The following RADIL variants were observed in gnomAD, a reference collection of about 807,000 sequenced individuals.
RADIL encodes the protein ras-associating and dilute domain-containing protein.
In RADIL, 99 loss-of-function variants were observed where a neutral mutation model predicts 97.6. The ratio of observed to expected loss-of-function variants is 1.01; its 90% CI spans 0.86 to 1.20. The LOEUF is 1.20. RADIL is among the 50% of genes most tolerant of loss of function. The pLI is 0.00. For synonymous variants in RADIL, 803 were observed against 691.8 expected (o/e 1.16, Z -2.52); for missense variants, 1,765 against 1,498.9 (o/e 1.18, Z -2.93).
chr7:4,849,317 G>A lies in RADIL; in HGVS notation c.536-12712C>T, dbSNP rs1161025597. ...GTGCACATATATATATAACTTTGGT[G>A]AAAATAAGTAAAAATATTTAAGTGT... On this transcript the variant is annotated intron_variant, in intron 2 of 14. Transcript: ENST00000399583. This position sits in a 1 kb window ranked among gnomAD's most constrained non-coding sequence, Gnocchi z 5.4. Among the ~76,000 whole-genome samples the A allele has an allele frequency of 6.6e-6, 1 of 152,136 alleles. No individual in the cohort carries two copies. The highest frequency in any genetic ancestry group is 2.4e-5 in the African/African-American group (1 of 41,414).
In RADIL at chr7:4,853,060, C is replaced by G. The variant is rs982539851; in HGVS notation, c.536-16455G>C. Among the ~76,000 whole-genome samples, 5 of 152,196 alleles carry G rather than the reference C, an allele frequency of 3.3e-5. 1 individual carries two copies. The highest frequency in any genetic ancestry group is 1.9e-4 in the East Asian group (1 of 5,190). On this transcript the variant is annotated intron_variant, in intron 2 of 14. Transcript: ENST00000399583. ...ATGAGATTTTAGACTTGAAGTGATA[C>G]TATAAGAGGATGAGACTGGGGGACC...
At chr7:4,862,789 C>T (rs1294790832) in intron 2 of RADIL, among the ~76,000 whole-genome samples, 2 of 151,618 alleles carry the variant, frequency 1.3e-5, no homozygotes, top group Non-Finnish European at 2.9e-5. Flanking sequence ...CCCAGCTACT[C>T]GGGAGGCTGA....
At chr7:4,877,503 C>T (rs1784399321) in intron 2 of RADIL, 102 bp downstream of exon 2, 11 of 1,330,958 alleles carry the variant, frequency 8.3e-6, no homozygotes, top group Middle Eastern at 2.7e-4. Context: ...AGAGCGAGCC[C>T]GCCCCACGCA....
Position 4,818,103 on chromosome 7 carries a change from T to A in RADIL, c.1616-752A>T, listed in dbSNP as rs146223355. Among the ~76,000 whole-genome samples the A allele has an allele frequency of 1.5e-3, 232 of 152,300 alleles. 1 individual carries two copies. Among genetic ancestry groups the A allele is most frequent in the Middle Eastern group, 3.4e-3 (1 of 294 alleles). Reference sequence around the variant, plus strand: ...TGTGGGCGGCCAACCACAGTGGTGTTCCCTGTCAGCCGCGTGGGCGGCCAC... The same window carrying A: ...TGTGGGCGGCCAACCACAGTGGTGTACCCTGTCAGCCGCGTGGGCGGCCAC... On this transcript the variant is annotated intron_variant, in intron 6 of 14. Coordinates refer to ENST00000399583, the MANE Select transcript of RADIL (RefSeq NM_018059.5). The surrounding 1 kb of genome is among the most constrained non-coding windows in gnomAD (Gnocchi z 7.1).
Position 4,817,385 on chromosome 7 carries a change from G to A in RADIL, c.1616-34C>T, listed in dbSNP as rs567194639. The stretch of plus-strand genomic sequence containing the variant: ...AGACAGCCACGCCAATGGTCACAAC[G>A]GGCACAGCGCTCAGGAACGCAGCAA... On this transcript the variant is annotated intron_variant, in intron 6 of 14. Transcript: ENST00000399583. The surrounding 1 kb of genome is among the most constrained non-coding windows in gnomAD (Gnocchi z 8.3). 48 of 1,584,478 alleles carry A rather than the reference G, an allele frequency of 3.0e-5. No individual in the cohort carries two copies. Among genetic ancestry groups the A allele is most frequent in the South Asian group, 1.9e-4 (17 of 89,070 alleles).
intron 4 of RADIL, 67 bp from the exon 5 acceptor site, chr7:4,832,245 A>G: frequency 2.0e-6 from 3 of 1,470,454 alleles, no homozygotes; most frequent in African/African-American, 3.4e-5. Flanking sequence ...GCGTTCAAAT[A>G]CACGATACCA....
rs562747441 is a variant in RADIL, at chr7:4,801,675, G to C, written c.2820C>G (p.Gly940=). The change falls in exon 12 of 15, where the codon GGC becomes GGG. Residue 940 remains glycine (G), a synonymous_variant. Coordinates refer to ENST00000399583, the MANE Select transcript of RADIL (RefSeq NM_018059.5). The stretch of plus-strand genomic sequence containing the variant: ...CACCTTCCGGAGCTGCACCCCGGAG[G>C]CCGCTGAGTCCGTTCCTCTGCCTCT... ...LPERQRNGLS[G]LRGAAPEGDS... 3.1e-6 allele frequency: 5 copies of C among 1,603,496 alleles called. No homozygotes were observed. The South Asian group carries it at 5.6e-5, about 18-fold the overall frequency.
At position 4,801,777 on chromosome 7, in the gene RADIL, G is replaced by A. The variant is rs751063300; in HGVS notation, c.2718C>T (p.Pro906=). The A allele has an allele frequency of 1.2e-6, 2 of 1,610,368 alleles. No homozygotes were observed. The highest frequency in any genetic ancestry group is 1.1e-5 in the South Asian group (1 of 90,722). The part of the protein sequence containing the change: ...HTDSSCLLTP[P]STPLGPEPGD... ...CAGGCTCAGGGCCAAGTGGAGTGCTGGGAGGCGTGAGCAAGCAGGACGAGT... is the reference window on the plus strand; with the variant it reads ...CAGGCTCAGGGCCAAGTGGAGTGCTAGGAGGCGTGAGCAAGCAGGACGAGT... Residue 906 remains proline, a synonymous_variant, in exon 12 of 15, where the codon CCC becomes CCT. Coordinates refer to ENST00000399583, the MANE Select transcript of RADIL (RefSeq NM_018059.5).
In RADIL at chr7:4,836,487, G is replaced by A. The variant is rs1310447306; in HGVS notation, c.654C>T (p.Thr218=). The change falls in exon 3 of 15, where the codon ACC becomes ACT. Residue 218 remains threonine, a synonymous_variant. Coordinates refer to ENST00000399583, the MANE Select transcript of RADIL (RefSeq NM_018059.5). ...GCAGGGCGTTCACTGGGCTCAGGCTGGTCTCACTGACTGTGCGGCGCAACC... is the reference window on the plus strand; with the variant it reads ...GCAGGGCGTTCACTGGGCTCAGGCTAGTCTCACTGACTGTGCGGCGCAACC... ...PPRLRRTVSE[T]SLSPVNALPA... 1 of 1,607,644 alleles carries A rather than the reference G, an allele frequency of 6.2e-7. No homozygotes were observed. The highest frequency in any genetic ancestry group is 8.5e-7 in the Non-Finnish European group (1 of 1,178,126).
At chr7:4,807,866 TCTCCC>T (rs761163694) in intron 9 of RADIL, among the ~76,000 whole-genome samples, 162 of 11,822 alleles carry the variant, frequency 0.014, 3 homozygotes, top group Middle Eastern at 0.045. Flanking sequence ...CCTGCCTCTC[TCTCCC>T]CCCCATCTCT....
rs185325493 is a variant in RADIL at position 4,840,469 on chromosome 7, G to A, written c.536-3864C>T. On this transcript the variant is annotated intron_variant, in intron 2 of 14. Transcript: ENST00000399583. This position sits in a 1 kb window ranked among gnomAD's most constrained non-coding sequence, Gnocchi z 5.6. ...ATGGCGCCATCGCTAGACACACAGCGTGGAGTTGTCAAGGCCCTCAGACCC... is the reference window on the plus strand; with the variant it reads ...ATGGCGCCATCGCTAGACACACAGCATGGAGTTGTCAAGGCCCTCAGACCC... 5.9e-5 allele frequency among the ~76,000 whole-genome samples: 9 copies of A among 152,250 alleles called. No individual in the cohort carries two copies. The highest frequency in any genetic ancestry group is 2.6e-4 in the Admixed American group (4 of 15,284).
At chr7:4,861,883 C>T in intron 2 of RADIL, 2 of 1,126,118 alleles carry the variant, frequency 1.8e-6, no homozygotes, top group African/African-American at 1.6e-5. Flanking sequence ...GGGTCATGAT[C>T]CGCTGAGGCG....
At position 4,879,647 on chromosome 7, in the gene RADIL, C is replaced by T. The variant is rs907835038; in HGVS notation, c.-64-1444G>A. On this transcript the variant is annotated intron_variant, in intron 1 of 14. Transcript: ENST00000399583. The surrounding 1 kb of genome is among the most constrained non-coding windows in gnomAD (Gnocchi z 4.1). Reference sequence around the variant, plus strand: ...CTGTCCAGGCTTGACTCACTCGTCACGCTGCGGGCGCTGCAAAAGGCTTCT... The same window carrying T: ...CTGTCCAGGCTTGACTCACTCGTCATGCTGCGGGCGCTGCAAAAGGCTTCT... Among the ~76,000 whole-genome samples the T allele has an allele frequency of 3.9e-5, 6 of 152,166 alleles. No individual in the cohort carries two copies. The highest frequency in any genetic ancestry group is 9.7e-5 in the African/African-American group (4 of 41,438).
Position 4,801,659 on chromosome 7 carries a change from G to A in RADIL, c.2836C>T (p.Pro946Ser). ...AGCACCAGGCAGGGCTCACCTTCCG[G>A]AGCTGCACCCCGGAGGCCGCTGAGT... ...NGLSGLRGAA[P>S]EGDSAALAEE... The change falls in exon 12 of 15, where the codon CCG (proline) becomes TCG (serine). Residue 946 changes from proline (P) to serine (S), a missense_variant. By Grantham distance (74) the Pro-to-Ser change is moderately conservative. Coordinates refer to ENST00000399583, the MANE Select transcript of RADIL (RefSeq NM_018059.5). The A allele has an allele frequency of 2.5e-6, 4 of 1,596,730 alleles. No homozygotes were observed. Among genetic ancestry groups the A allele is most frequent in the Non-Finnish European group, 3.4e-6 (4 of 1,172,998 alleles).
chr7:4,860,051 C>T, intron 2 of RADIL: 1 of 1,613,964 alleles, frequency 6.2e-7, no homozygotes, highest in Non-Finnish European at 8.5e-7. Context: ...TAATGCAACC[C>T]CTGAACTTTC....
chr7:4,836,522 G>C lies in RADIL; in HGVS notation c.619C>G (p.Pro207Ala), dbSNP rs758111340. The C allele has an allele frequency of 2.5e-6, 4 of 1,607,548 alleles. No individual in the cohort carries two copies. The Admixed American group carries it at 6.7e-5, about 27-fold the overall frequency. The change falls in exon 3 of 15, where the codon CCT becomes GCT. Residue 207 changes from proline to alanine, a missense_variant. Pro to Ala is a conservative substitution (Grantham distance 27, BLOSUM62 -1). Transcript: ENST00000399583. ...TPALGDARSS[P>A]PPRLRRTVSE... ...ACTGTGCGGCGCAACCGGGGTGGAG[G>C]AGAGCTCCGGGCATCCCCCAGGGCC... is the stretch of plus-strand genomic sequence containing the variant.
intron 2 of RADIL, chr7:4,857,602 A>G (rs1391029100): frequency 1.3e-5 from 2 of 152,580 alleles, no homozygotes; most frequent in African/African-American, 4.8e-5. Flanking sequence ...TTCCCTAAAC[A>G]TTACTACGTT....
At chr7:4,836,245 C>A in intron 3 of RADIL, 113 bp downstream of exon 3, 1 of 1,468,940 alleles carries the variant, frequency 6.8e-7, no homozygotes, top group Non-Finnish European at 9.2e-7. Flanking sequence ...GGGGCTGCAG[C>A]CACAGAGCTC....
At chr7:4,808,015 CCT>C (rs1343895578) in intron 9 of RADIL, among the ~76,000 whole-genome samples, 1 of 86,760 alleles carries the variant, frequency 1.2e-5, no homozygotes, top group East Asian at 3.3e-4. Context: ...TCCTCCCTCT[CCT>C]CTCCCTCCAT....
Sources: gnomAD v4.1 joint callset for allele counts (sites outside exome capture counted in the v4.1 genomes callset) on GRCh38, gnomAD v4.1.1 for gene constraint, Gnocchi (gnomAD v3.1) non-coding constraint, MANE v1.5 for transcripts, NCBI Gene and HGNC (gene_info 2026-07-23, HGNC 2026-07-21) for gene names.